Variants in PPP6R3 observed in about 807,000 individuals in gnomAD.
The protein encoded by PPP6R3 is serine/threonine-protein phosphatase 6 regulatory subunit 3.
In PPP6R3, 38 loss-of-function variants were observed where a neutral mutation model predicts 110.7. The ratio of observed to expected loss-of-function variants is 0.34; its 90% CI spans 0.26 to 0.45. The LOEUF is 0.45. Ranked by LOEUF, PPP6R3 falls within the 20% of genes least tolerant of loss-of-function variation. The pLI, the probability that PPP6R3 is intolerant of heterozygous loss-of-function variation, is 1.00. For missense variants in PPP6R3, 870 were observed against 1,062.4 expected (o/e 0.82, Z 2.52); for synonymous variants, 369 against 373.5 (o/e 0.99, Z 0.14).
At chr11:68,509,647 T>C (rs759780985) in intron 1 of PPP6R3, among the ~76,000 whole-genome samples, 5 of 151,894 alleles carry the variant, frequency 3.3e-5, no homozygotes, top group Admixed American at 1.3e-4. Flanking sequence ...GTGTCACTCC[T>C]ATCACCCAGG....
intron 22 of PPP6R3, among the ~76,000 whole-genome samples, chr11:68,608,796 A>G (rs1363757410): frequency 1.3e-5 from 2 of 152,240 alleles, no homozygotes; most frequent in Non-Finnish European, 2.9e-5. Flanking sequence ...GACTCAGAAT[A>G]CACATTGTGT....
At chr11:68,479,783 G>T (rs184384006) in intron 1 of PPP6R3, among the ~76,000 whole-genome samples, 1 of 151,882 alleles carries the variant, frequency 6.6e-6, no homozygotes, top group Non-Finnish European at 1.5e-5. Flanking sequence ...CTGTCACCCA[G>T]GCTGGAGTGC....
intron 3 of PPP6R3, among the ~76,000 whole-genome samples, chr11:68,539,057 C>T (rs1009619954): frequency 2.6e-5 from 4 of 152,216 alleles, no homozygotes; most frequent in Non-Finnish European, 5.9e-5. Flanking sequence ...GAGGCCGTGA[C>T]AGACCTACTA....
intron 1 of PPP6R3, among the ~76,000 whole-genome samples, chr11:68,506,750 A>G (rs540172796): frequency 3.3e-5 from 5 of 152,256 alleles, no homozygotes; most frequent in South Asian, 4.1e-4. Flanking sequence ...CCTTTCAGCA[A>G]TCTTTGTACA....
At chr11:68,474,493 T>A (rs1304811722) in intron 1 of PPP6R3, among the ~76,000 whole-genome samples, 2 of 152,244 alleles carry the variant, frequency 1.3e-5, no homozygotes, top group Non-Finnish European at 2.9e-5. Context: ...GATTTATGTG[T>A]CCATGTTCAT....
At position 68,614,487 on chromosome 11, in the gene PPP6R3, A is replaced by G; in HGVS notation, c.*1370A>G. 2 of 1,400,496 alleles carry G rather than the reference A, an allele frequency of 1.4e-6. No homozygotes were observed. Among genetic ancestry groups the G allele is most frequent in the South Asian group, 3.4e-5 (2 of 59,310 alleles). The allele number at this position is 1,400,496 out of a possible 1,614,324, so 86.8% of individuals were successfully genotyped here. On this transcript the variant is annotated 3_prime_UTR_variant, in exon 24 of 24. Transcript: ENST00000393800. Reference sequence around the variant, plus strand: ...TTGTTTTTCCTGACCAGTATTTAAAACCAAAAGGATATTCTGAAAAATGGC... The same window carrying G: ...TTGTTTTTCCTGACCAGTATTTAAAGCCAAAAGGATATTCTGAAAAATGGC...
chr11:68,543,714 G>T (rs1254034111), intron 3 of PPP6R3, among the ~76,000 whole-genome samples: 1 of 152,238 alleles, frequency 6.6e-6, no homozygotes, highest in Admixed American at 6.5e-5. Flanking sequence ...CTGATGACTT[G>T]TTGGGGCGCT....
At chr11:68,573,153 T>TATATATATATATAAAA (rs1468107550) in intron 12 of PPP6R3, among the ~76,000 whole-genome samples, 1 of 103,624 alleles carries the variant, frequency 9.7e-6, no homozygotes, top group African/African-American at 3.8e-5. Context: ...TATATATATA[T>TATATATATATATAAAA]AATTTTTTTT....
rs549330053 is a variant in PPP6R3 at position 68,483,305 on chromosome 11, A to G, written c.-158+22478A>G. Among the ~76,000 whole-genome samples the G allele has an allele frequency of 2.6e-5, 4 of 152,346 alleles. No homozygotes were observed. In the East Asian group the frequency reaches 5.8e-4, roughly 22 times the overall value. ...TTAAAATTGTGGGAAAATACATAAC[A>G]TAAAGTTTGCATTTTCACCATTTTT... On this transcript the variant is annotated intron_variant, in intron 1 of 23. Transcript: ENST00000393800.
chr11:68,603,230 T>C lies in PPP6R3; in HGVS notation c.2300-112T>C. 4.3e-6 allele frequency: 6 copies of C among 1,395,326 alleles called. No homozygotes were observed. In the South Asian group the frequency reaches 8.5e-5, roughly 20 times the overall value. The allele number at this position is 1,395,326 out of a possible 1,614,324, so 86.4% of individuals were successfully genotyped here. The stretch of plus-strand genomic sequence containing the variant: ...CAGCAGGCAGAAGCCATCTCACTCT[T>C]TTTTTTCTTCAAGCAGTAGATGTCA... On this transcript the variant is annotated intron_variant, in intron 21 of 23. Transcript: ENST00000393800.
intron 1 of PPP6R3, among the ~76,000 whole-genome samples, chr11:68,497,817 A>G (rs936907070): frequency 2.6e-5 from 4 of 152,176 alleles, no homozygotes; most frequent in East Asian, 1.9e-4. Flanking sequence ...GTCATATCTA[A>G]GAAAGTTTTG....
intron 23 of PPP6R3, among the ~76,000 whole-genome samples, chr11:68,610,357 C>T (rs1034074662): frequency 6.6e-6 from 1 of 152,140 alleles, no homozygotes; most frequent in Non-Finnish European, 1.5e-5. Context: ...TGAGCCCCTC[C>T]AGGACTTGAG....
chr11:68,611,187 T>C (rs1943241517), intron 23 of PPP6R3, among the ~76,000 whole-genome samples: 1 of 152,214 alleles, frequency 6.6e-6, no homozygotes, highest in East Asian at 1.9e-4. Flanking sequence ...GGTTTCAATG[T>C]ATTTTTTAAT....
At chr11:68,582,931 T>C in intron 14 of PPP6R3, 112 bp from the exon 15 acceptor site, 1 of 849,724 alleles carries the variant, frequency 1.2e-6, no homozygotes, top group Admixed American at 3.1e-5. Flanking sequence ...CTTTCATTTT[T>C]TTCTGTTACA....
intron 18 of PPP6R3, among the ~76,000 whole-genome samples, chr11:68,594,163 G>C (rs1020231829): frequency 6.6e-6 from 1 of 152,108 alleles, no homozygotes; most frequent in African/African-American, 2.4e-5. Flanking sequence ...TAATGATAAA[G>C]GGGTCAATTC....
chr11:68,558,508 C>A, intron 7 of PPP6R3, 58 bp from the exon 8 acceptor site: 10 of 1,050,854 alleles, frequency 9.5e-6, no homozygotes, highest in East Asian at 2.6e-5. Flanking sequence ...GTCTTTTTTT[C>A]TGAGGTTGTT....
intron 6 of PPP6R3, among the ~76,000 whole-genome samples, chr11:68,553,164 T>C (rs936144932): frequency 1.3e-5 from 2 of 152,338 alleles, no homozygotes; most frequent in East Asian, 3.9e-4. Context: ...ATGCTCAGTT[T>C]CTTAATCCAG....
chr11:68,576,062 C>CAT lies in PPP6R3; in HGVS notation c.1545+20_1545+21dup. ...AGATCTAGTAGGTTTTACAAGGTTA[C>CAT]ATTTTTATTCTTTCAGTGCTCTTAG... On this transcript the variant is annotated intron_variant, in intron 14 of 23. Coordinates refer to ENST00000393800, the MANE Select transcript of PPP6R3 (RefSeq NM_001164161.2). 1 of 1,537,120 alleles carries CAT rather than the reference C, an allele frequency of 6.5e-7. No homozygotes were observed. Among genetic ancestry groups the CAT allele is most frequent in the South Asian group, 1.2e-5 (1 of 86,604 alleles).
chr11:68,486,860 C>A (rs11228258), intron 1 of PPP6R3, among the ~76,000 whole-genome samples: 39,120 of 151,898 alleles, frequency 0.26, 5,289 homozygotes, highest in Middle Eastern at 0.33. Context: ...AGGTTATTAA[C>A]ATTTTGAGCA....
Sources: allele counts gnomAD v4.1 joint callset (sites outside exome capture counted in the v4.1 genomes callset), GRCh38; gene constraint gnomAD v4.1.1; transcripts MANE v1.5; gene names NCBI Gene and HGNC (gene_info 2026-07-23, HGNC 2026-07-21).